The following NPLOC4 variants were observed in gnomAD, a reference collection of about 807,000 sequenced individuals.
NPLOC4 encodes the protein nuclear protein localization protein 4 homolog.
In NPLOC4, 18 loss-of-function variants were observed where a neutral mutation model predicts 80.6. That is an observed-to-expected ratio of 0.22 (90% CI 0.15 to 0.33). NPLOC4 has a LOEUF of 0.33. Ranked by LOEUF, NPLOC4 falls within the 10% of genes least tolerant of loss-of-function variation. The pLI is 1.00. For synonymous variants in NPLOC4, 313 were observed against 301.5 expected (o/e 1.04, Z -0.39); for missense variants, 540 against 786.1 (o/e 0.69, Z 3.74).
rs2034046791 is a variant in NPLOC4 at position 81,567,602 on chromosome 17, T to C, written c.1450-69A>G. The stretch of plus-strand genomic sequence containing the variant: ...AGTGCCAGACCCCGAAACAGAGCTG[T>C]TTCCTACTAAGACGCAACTCAATAC... On this transcript the variant is annotated intron_variant, in intron 14 of 16. Transcript: ENST00000331134. This position sits in a 1 kb window ranked among gnomAD's most constrained non-coding sequence, Gnocchi z 4.5. The C allele has an allele frequency of 1.1e-6, 1 of 937,564 alleles. No homozygotes were observed. Among genetic ancestry groups the C allele is most frequent in the East Asian group, 2.6e-5 (1 of 38,746 alleles). The allele number at this position is 937,564 out of a possible 1,614,324, so 58.1% of individuals were successfully genotyped here.
At chr17:81,576,376 T>G (rs1048514619) in intron 12 of NPLOC4, among the ~76,000 whole-genome samples, 1 of 152,150 alleles carries the variant, frequency 6.6e-6, no homozygotes, top group East Asian at 1.9e-4. Context: ...AAACACAGAT[T>G]GAAAATACAG....
chr17:81,625,419 G>A (rs889244477), intron 2 of NPLOC4, among the ~76,000 whole-genome samples: 2 of 152,110 alleles, frequency 1.3e-5, no homozygotes, highest in Non-Finnish European at 2.9e-5. Flanking sequence ...TACACCGAGG[G>A]GTCATCAGAG....
At chr17:81,617,711 C>T (rs1232408320) in intron 3 of NPLOC4, among the ~76,000 whole-genome samples, 15 of 147,012 alleles carry the variant, frequency 1.0e-4, no homozygotes, top group African/African-American at 1.5e-4. Flanking sequence ...CATGCCGAGC[C>T]GAAGCTGGAC....
At chr17:81,579,699 T>C (rs2034388993) in intron 12 of NPLOC4, among the ~76,000 whole-genome samples, 1 of 152,046 alleles carries the variant, frequency 6.6e-6, no homozygotes, top group African/African-American at 2.4e-5. Flanking sequence ...GCCAATTAGC[T>C]CCTTTGCTGG....
intron 8 of NPLOC4, among the ~76,000 whole-genome samples, chr17:81,601,708 C>T (rs949289030): frequency 2.6e-5 from 4 of 152,176 alleles, no homozygotes; most frequent in Non-Finnish European, 2.9e-5. Context: ...TCTCTACTGC[C>T]ATCTAGTGTC....
intron 1 of NPLOC4, among the ~76,000 whole-genome samples, chr17:81,635,737 A>C (rs897663985): frequency 6.6e-6 from 1 of 152,040 alleles, no homozygotes; most frequent in African/African-American, 2.4e-5. Context: ...CACCTGGCAA[A>C]ACTGCAGAGA....
intron 13 of NPLOC4, 35 bp downstream of exon 13, chr17:81,571,982 T>C: frequency 1.3e-6 from 2 of 1,531,878 alleles, no homozygotes; most frequent in South Asian, 1.2e-5. Context: ...GCCCAATGGG[T>C]CCACCTGCCC....
chr17:81,619,267 T>C (rs1163182819), intron 3 of NPLOC4, among the ~76,000 whole-genome samples: 8 of 148,174 alleles, frequency 5.4e-5, no homozygotes, highest in Non-Finnish European at 1.0e-4. Context: ...GTCCCAGCTA[T>C]TCGGGAGGCT....
At chr17:81,620,019 T>C (rs1274273362) in intron 3 of NPLOC4, among the ~76,000 whole-genome samples, 2 of 152,098 alleles carry the variant, frequency 1.3e-5, no homozygotes, top group Admixed American at 1.3e-4. Context: ...CTTGTGAATG[T>C]GAAATCAGCA....
chr17:81,626,713 G>C (rs572195454), intron 2 of NPLOC4, among the ~76,000 whole-genome samples: 1 of 152,098 alleles, frequency 6.6e-6, no homozygotes, highest in South Asian at 2.1e-4. Flanking sequence ...TGGGAGGATC[G>C]TTTGAGCCCG....
At chr17:81,632,718 C>A (rs2144344324) in intron 1 of NPLOC4, among the ~76,000 whole-genome samples, 1 of 152,290 alleles carries the variant, frequency 6.6e-6, no homozygotes, top group South Asian at 2.1e-4. Context: ...AAAACTGTCA[C>A]AAGCCATTGT....
intron 1 of NPLOC4, among the ~76,000 whole-genome samples, chr17:81,632,522 C>G (rs2035959716): frequency 6.6e-6 from 1 of 151,918 alleles, no homozygotes; most frequent in African/African-American, 2.4e-5. Context: ...CCACGTTGGC[C>G]AGGCTGGTCT....
At chr17:81,593,923 A>G (rs1441127259) in intron 11 of NPLOC4, among the ~76,000 whole-genome samples, 3 of 151,898 alleles carry the variant, frequency 2.0e-5, no homozygotes, top group Non-Finnish European at 4.4e-5. Context: ...CTTCAATCCT[A>G]GCCCAAATTC....
chr17:81,564,628 G>C (rs941221896), intron 16 of NPLOC4: 3 of 151,932 alleles, frequency 2.0e-5, no homozygotes, highest in Non-Finnish European at 4.4e-5. Context: ...GCTCTACTAA[G>C]AATACAAAAA....
Position 81,567,351 on chromosome 17 carries a change from A to G in NPLOC4, c.1566+66T>C. On this transcript the variant is annotated intron_variant, in intron 15 of 16. Transcript: ENST00000331134. This position sits in a 1 kb window ranked among gnomAD's most constrained non-coding sequence, Gnocchi z 4.5. The stretch of plus-strand genomic sequence containing the variant: ...CTCTGGTCTGGGAGGAAAGAAAGCA[A>G]GACACAGGCGTCTCTTTGCAGCCAA... 1.0e-6 allele frequency: 1 copy of G among 961,014 alleles called. No homozygotes were observed. Among genetic ancestry groups the G allele is most frequent in the Non-Finnish European group, 1.7e-6 (1 of 605,148 alleles). The allele number at this position is 961,014 out of a possible 1,614,324, so 59.5% of individuals were successfully genotyped here.
rs1568124779 is a variant in NPLOC4, at chr17:81,575,322, C to T, written c.1282-3234G>A. Reference sequence around the variant, plus strand: ...TTCACCGTGTTAGCCAGGATGGTCTCGATCTCCTGACCTCATGATCCACCC... The same window carrying T: ...TTCACCGTGTTAGCCAGGATGGTCTTGATCTCCTGACCTCATGATCCACCC... On this transcript the variant is annotated intron_variant, in intron 12 of 16. Coordinates refer to ENST00000331134, the MANE Select transcript of NPLOC4 (RefSeq NM_017921.4). 2.6e-5 allele frequency among the ~76,000 whole-genome samples: 4 copies of T among 152,290 alleles called. No homozygotes were observed. The South Asian group carries it at 8.3e-4, about 32-fold the overall frequency.
At chr17:81,589,737 C>T (rs2034685191) in intron 11 of NPLOC4, among the ~76,000 whole-genome samples, 3 of 151,680 alleles carry the variant, frequency 2.0e-5, no homozygotes, top group African/African-American at 7.3e-5. Context: ...TCAGATTACG[C>T]CTGTAATCTG....
At chr17:81,560,245 C>T (rs1318726825) in intron 16 of NPLOC4, among the ~76,000 whole-genome samples, 2 of 151,058 alleles carry the variant, frequency 1.3e-5, no homozygotes, top group African/African-American at 4.9e-5. Context: ...TGGCGAAACC[C>T]GGTCTCTACT....
intron 3 of NPLOC4, among the ~76,000 whole-genome samples, chr17:81,617,403 G>A (rs2035526458): frequency 6.6e-6 from 1 of 152,220 alleles, no homozygotes. Flanking sequence ...GCCAGGTGTA[G>A]TGGCTCACTC....
Sources: allele counts gnomAD v4.1 joint callset (sites outside exome capture counted in the v4.1 genomes callset), GRCh38; gene constraint gnomAD v4.1.1; non-coding constraint Gnocchi (gnomAD v3.1); transcripts MANE v1.5; gene names NCBI Gene and HGNC (gene_info 2026-07-23, HGNC 2026-07-21).